PTCH2: variants seen among roughly 807,000 people sequenced by gnomAD.
PTCH2 encodes patched 2, also known as protein patched homolog 2.
In PTCH2, 96 loss-of-function variants were observed where a neutral mutation model predicts 117.9. The ratio of observed to expected loss-of-function variants is 0.81; its 90% CI spans 0.69 to 0.96. The LOEUF (loss-of-function observed/expected upper bound fraction) is 0.96. PTCH2 is among the 50% of genes least tolerant of loss of function. PTCH2 has a pLI of 0.00. For synonymous variants in PTCH2, 615 were observed against 660.9 expected (o/e 0.93, Z 1.06); for missense variants, 1,379 against 1,562.5 (o/e 0.88, Z 1.98).
chr1:44,821,357 ACT>A (rs1270923880), downstream of PTCH2, among the ~76,000 whole-genome samples: 2 of 152,210 alleles, frequency 1.3e-5, no homozygotes, highest in African/African-American at 4.8e-5. Context: ...CAACTGATCC[ACT>A]GGCTGACTGG....
Position 44,823,186 on chromosome 1 carries a change from G to A in PTCH2, c.3258-18C>T, listed in dbSNP as rs1652987425. ...AGAAGTACCTAGGGGTAGGGTGTGG[G>A]GGGAGTCAGCCCAGGCCTGTCCTGA... is the stretch of plus-strand genomic sequence containing the variant. On this transcript the variant is annotated intron_variant, in intron 20 of 21. Coordinates refer to ENST00000372192, the MANE Select transcript of PTCH2 (RefSeq NM_003738.5). The surrounding 1 kb of genome is among the most constrained non-coding windows in gnomAD (Gnocchi z 5.1). 1.2e-6 allele frequency: 2 copies of A among 1,614,028 alleles called. No individual in the cohort carries two copies. The highest frequency in any genetic ancestry group is 2.2e-5 in the South Asian group (2 of 91,078).
At chr1:44,828,443 G>A in intron 12 of PTCH2, 29 bp from the exon 13 acceptor site, 1 of 1,614,136 alleles carries the variant, frequency 6.2e-7, no homozygotes, top group Non-Finnish European at 8.5e-7. Flanking sequence ...GGGAATGAAG[G>A]CTGGATGAAG....
rs1557645739 is a variant in PTCH2, at chr1:44,829,316, T to TG, written c.1216-5dup. ...TGGTCACACAGGCATAGGCCAGCTG[T>TG]GGGGGGAAAGGGCAGTCTCAGGGGC... On this transcript the variant is annotated splice_polypyrimidine_tract_variant and splice_region_variant and intron_variant, in intron 9 of 21. Transcript: ENST00000372192. 2.2e-5 allele frequency: 35 copies of TG among 1,613,356 alleles called. No homozygotes were observed. Among genetic ancestry groups the TG allele is most frequent in the Non-Finnish European group, 2.4e-5 (28 of 1,179,888 alleles).
intron 2 of PTCH2, among the ~76,000 whole-genome samples, chr1:44,835,174 A>G (rs1653631008): frequency 6.6e-6 from 1 of 152,108 alleles, no homozygotes. Flanking sequence ...GGCTCAAGCA[A>G]TCCTCTCAAG....
Position 44,826,316 on chromosome 1 carries a change from G to A in PTCH2, c.3048C>T (p.Ala1016=), listed in dbSNP as rs763082605. 1.9e-5 allele frequency: 30 copies of A among 1,614,042 alleles called. No homozygotes were observed. In the South Asian group the frequency reaches 3.2e-4, roughly 17 times the overall value. Residue 1016 remains alanine, a synonymous_variant, in exon 19 of 22, where the codon GCC becomes GCT. Coordinates refer to ENST00000372192, the MANE Select transcript of PTCH2 (RefSeq NM_003738.5). This position sits in a 1 kb window ranked among gnomAD's most constrained non-coding sequence, Gnocchi z 5.1. ...IMGFLGIKLS[A]IPVVILVASV... is the part of the protein sequence containing the mutation. ...AGGCCACAAGGATCACCACGGGGAT[G>A]GCACTCAGCTTGATGCCCAGGAAAC...
intron 2 of PTCH2, among the ~76,000 whole-genome samples, chr1:44,835,821 G>A (rs1247996373): frequency 6.6e-6 from 1 of 152,166 alleles, no homozygotes; most frequent in East Asian, 1.9e-4. Context: ...CCAGGTGTGC[G>A]CAGGGAACTG....
intron 19 of PTCH2, among the ~76,000 whole-genome samples, chr1:44,825,172 G>A (rs1012195374): frequency 2.1e-4 from 31 of 150,050 alleles, no homozygotes; most frequent in African/African-American, 6.6e-4. Flanking sequence ...AGTTTTGCTC[G>A]GTCTCCCAGG....
intron 2 of PTCH2, among the ~76,000 whole-genome samples, chr1:44,837,474 G>A (rs1043030458): frequency 1.3e-5 from 2 of 152,140 alleles, no homozygotes; most frequent in African/African-American, 2.4e-5. Context: ...GGCTGGTCTC[G>A]AACTCCTGAC....
At chr1:44,837,914 T>TA (rs1008016643) in intron 2 of PTCH2, among the ~76,000 whole-genome samples, 5 of 151,254 alleles carry the variant, frequency 3.3e-5, no homozygotes, top group Admixed American at 2.6e-4. Context: ...CTGTCTCTAC[T>TA]AAAAAAAATA....
At position 44,828,628 on chromosome 1, in the gene PTCH2, G is replaced by A. The variant is rs150986689; in HGVS notation, c.1468C>T (p.Arg490Cys). ...EALPGTPLQE[R>C]MGECLQRTGT... is the part of the protein sequence containing the mutation. ...GTGCGCTGCAGACACTCGCCCATGC[G>A]CTCCTGCCAGGACAGAGTGGGGACC... The change falls in exon 12 of 22, where the codon CGC (arginine) becomes TGC (cysteine). Residue 490 changes from arginine (R) to cysteine (C), a missense_variant. Physicochemically the swap from Arg to Cys is radical, Grantham distance 180. Transcript: ENST00000372192. 1.1e-5 allele frequency: 18 copies of A among 1,611,946 alleles called. No individual in the cohort carries two copies. Among genetic ancestry groups the A allele is most frequent in the South Asian group, 5.5e-5 (5 of 90,744 alleles).
chr1:44,820,778 C>T (rs867899024), downstream of PTCH2: 3 of 714,008 alleles, frequency 4.2e-6, no homozygotes, highest in African/African-American at 1.8e-5. Flanking sequence ...GTAAGTGGCA[C>T]TGAGGGCTGA....
intron 2 of PTCH2, among the ~76,000 whole-genome samples, chr1:44,833,602 A>C (rs560726027): frequency 1.6e-4 from 24 of 149,696 alleles, no homozygotes; most frequent in African/African-American, 5.7e-4. Context: ...AGGCCTGGCT[A>C]ATTTTTAAAT....
intron 2 of PTCH2, among the ~76,000 whole-genome samples, chr1:44,833,938 C>T: frequency 6.6e-6 from 1 of 151,650 alleles, no homozygotes; most frequent in Non-Finnish European, 1.5e-5. Flanking sequence ...GCACCTGGCC[C>T]TCCAATCTCT....
In PTCH2 at chr1:44,827,383, C is replaced by T; in HGVS notation, c.2371+19G>A. On this transcript the variant is annotated intron_variant, in intron 15 of 21. Coordinates refer to ENST00000372192, the MANE Select transcript of PTCH2 (RefSeq NM_003738.5). Reference sequence around the variant, plus strand: ...TTCTCCCTGCAGCACCCCTCCCTGCCCGTCTCCTCGCCTCTCACCCTGTAG... The same window carrying T: ...TTCTCCCTGCAGCACCCCTCCCTGCTCGTCTCCTCGCCTCTCACCCTGTAG... 13 of 1,613,802 alleles carry T rather than the reference C, an allele frequency of 8.1e-6. No individual in the cohort carries two copies. Among genetic ancestry groups the T allele is most frequent in the Non-Finnish European group, 1.1e-5 (13 of 1,179,954 alleles).
Position 44,831,894 on chromosome 1 carries a change from A to G in PTCH2, c.525+81T>C, listed in dbSNP as rs1212769127. The stretch of plus-strand genomic sequence containing the variant: ...CCTTAGTTTTAAGGGGGCAGATTGC[A>G]GGCTGTGGGGCTTGCTCGGTCTCTG... On this transcript the variant is annotated intron_variant, in intron 4 of 21. Coordinates refer to ENST00000372192, the MANE Select transcript of PTCH2 (RefSeq NM_003738.5). The surrounding 1 kb of genome is among the most constrained non-coding windows in gnomAD (Gnocchi z 4.3). The G allele has an allele frequency of 6.4e-7, 1 of 1,573,888 alleles. No homozygotes were observed. Among genetic ancestry groups the G allele is most frequent in the East Asian group, 2.2e-5 (1 of 44,688 alleles).
Position 44,823,239 on chromosome 1 carries a change from C to T in PTCH2, c.3257+4G>A. 1 of 1,614,214 alleles carries T rather than the reference C, an allele frequency of 6.2e-7. No individual in the cohort carries two copies. Among genetic ancestry groups the T allele is most frequent in the South Asian group, 1.1e-5 (1 of 91,086 alleles). On this transcript the variant is annotated splice_donor_region_variant and intron_variant, in intron 20 of 21. Coordinates refer to ENST00000372192, the MANE Select transcript of PTCH2 (RefSeq NM_003738.5). The surrounding 1 kb of genome is among the most constrained non-coding windows in gnomAD (Gnocchi z 5.1). ...CCTGCCTCCCTGCCCCGAGCCCTCC[C>T]TACCTTACAATGAAGTCAAAGTGGG...
In PTCH2 at chr1:44,831,860, A is replaced by C. The variant is rs1214281517; in HGVS notation, c.526-63T>G. On this transcript the variant is annotated intron_variant, in intron 4 of 21. Transcript: ENST00000372192. The surrounding 1 kb of genome is among the most constrained non-coding windows in gnomAD (Gnocchi z 4.3). ...ACAACCTTTGTAGGATGCCCTCTGC[A>C]ATCCCCCTCCTTAGTTTTAAGGGGG... 1.4e-5 allele frequency: 22 copies of C among 1,586,626 alleles called. No individual in the cohort carries two copies. In the East Asian group the frequency reaches 4.5e-4, roughly 32 times the overall value.
In PTCH2 at chr1:44,826,185, C is replaced by T. The variant is rs368897224; in HGVS notation, c.3114+65G>A. The stretch of plus-strand genomic sequence containing the variant: ...AATAGTACCTAGCACATAGTAGGGG[C>T]TTGAACAATATGTGTTGAATACTGA... On this transcript the variant is annotated intron_variant, in intron 19 of 21. Transcript: ENST00000372192. The surrounding 1 kb of genome is among the most constrained non-coding windows in gnomAD (Gnocchi z 5.1). The T allele has an allele frequency of 6.4e-7, 1 of 1,573,416 alleles. No homozygotes were observed.
At chr1:44,841,343 C>T (rs1379250416) in intron 2 of PTCH2, among the ~76,000 whole-genome samples, 1 of 152,130 alleles carries the variant, frequency 6.6e-6, no homozygotes, top group African/African-American at 2.4e-5. Context: ...TGCCTGAGTC[C>T]TCTCCCTGCA....
Sources: allele counts gnomAD v4.1 joint callset (sites outside exome capture counted in the v4.1 genomes callset), GRCh38; gene constraint gnomAD v4.1.1; non-coding constraint Gnocchi (gnomAD v3.1); transcripts MANE v1.5; gene names NCBI Gene and HGNC (gene_info 2026-07-23, HGNC 2026-07-21).